DLG2: variants seen among roughly 807,000 people sequenced by gnomAD.
DLG2 encodes discs large MAGUK scaffold protein 2.
Under a neutral mutation model 132.5 loss-of-function variants are expected in DLG2, and 45 were observed. The observed-to-expected ratio is 0.34, with a 90% CI of 0.27 to 0.44. The LOEUF (loss-of-function observed/expected upper bound fraction) is 0.44. DLG2 is among the 20% of genes least tolerant of loss of function. The pLI is 1.00. For missense variants in DLG2, 1,045 were observed against 1,196.9 expected (o/e 0.87, Z 1.87); for synonymous variants, 424 against 419.6 (o/e 1.01, Z -0.13).
At chr11:84,081,765 G>A (rs1234982901) in intron 10 of DLG2, among the ~76,000 whole-genome samples, 2 of 152,314 alleles carry the variant, frequency 1.3e-5, no homozygotes, top group East Asian at 3.9e-4. Context: ...TGTGAATAGT[G>A]CCGCAATAAA....
chr11:84,693,519 C>T (rs771216764), intron 6 of DLG2, among the ~76,000 whole-genome samples: 4 of 151,646 alleles, frequency 2.6e-5, no homozygotes, highest in African/African-American at 4.8e-5. Context: ...CTCCTGCCAC[C>T]GGTGCCTCTC....
rs551844235 is a variant in DLG2, at chr11:85,490,313, G to C, written c.40+108344C>G. Among the ~76,000 whole-genome samples, 3 of 151,900 alleles carry C rather than the reference G, an allele frequency of 2.0e-5. No individual in the cohort carries two copies. In the East Asian group the frequency reaches 5.8e-4, roughly 29 times the overall value. ...GTTAGCACTATTTTTGTAGAAAATA[G>C]TGAAAAAATAGTAGAAAGTAGAAAA... On this transcript the variant is annotated intron_variant, in intron 3 of 27. Coordinates refer to ENST00000376104, the MANE Select transcript of DLG2 (RefSeq NM_001142699.3).
chr11:84,709,139 T>C (rs772664760), intron 6 of DLG2, among the ~76,000 whole-genome samples: 13 of 151,844 alleles, frequency 8.6e-5, no homozygotes, highest in Non-Finnish European at 1.6e-4. Context: ...GCCAACTACT[T>C]CAAATAGGAG....
chr11:85,017,888 G>A (rs1335761926), intron 6 of DLG2, among the ~76,000 whole-genome samples: 1 of 152,252 alleles, frequency 6.6e-6, no homozygotes, highest in East Asian at 1.9e-4. Flanking sequence ...TCCAAGACAC[G>A]TTGGAGTGCA....
chr11:83,915,608 T>C (rs1003009800), intron 15 of DLG2, among the ~76,000 whole-genome samples: 13 of 152,174 alleles, frequency 8.5e-5, no homozygotes, highest in Non-Finnish European at 1.6e-4. Context: ...ATTAAAACTT[T>C]TTAAAATTAT....
In DLG2 at chr11:84,060,040, C is replaced by T. The variant is rs535664844; in HGVS notation, c.750-556G>A. ...TAAAATAAACCTATTAGGTTGGGCG[C>T]AGTGGCTCATGCCTGTAATCCCAGC... On this transcript the variant is annotated intron_variant, in intron 10 of 27. Coordinates refer to ENST00000376104, the MANE Select transcript of DLG2 (RefSeq NM_001142699.3). Among the ~76,000 whole-genome samples, 11 of 152,070 alleles carry T rather than the reference C, an allele frequency of 7.2e-5. No homozygotes were observed. The South Asian group carries it at 2.3e-3, about 32-fold the overall frequency.
intron 7 of DLG2, among the ~76,000 whole-genome samples, chr11:84,295,769 TGG>T (rs527503839): frequency 6.6e-6 from 1 of 152,056 alleles, no homozygotes; most frequent in African/African-American, 2.4e-5. Flanking sequence ...GAATTCACAT[TGG>T]GGGGGTCAGA....
At chr11:85,260,134 T>G (rs1439960127) in intron 4 of DLG2, among the ~76,000 whole-genome samples, 7 of 152,142 alleles carry the variant, frequency 4.6e-5, no homozygotes, top group Admixed American at 2.6e-4. Flanking sequence ...TTGCATTATT[T>G]GTAAAAAGGG....
intron 19 of DLG2, among the ~76,000 whole-genome samples, chr11:83,565,658 G>C (rs1383975781): frequency 6.6e-6 from 1 of 152,186 alleles, no homozygotes; most frequent in Non-Finnish European, 1.5e-5. Context: ...GGCCATCAGA[G>C]ATTTCAATGC....
chr11:85,416,411 T>C (rs533428143), intron 3 of DLG2, among the ~76,000 whole-genome samples: 1 of 152,182 alleles, frequency 6.6e-6, no homozygotes, highest in Admixed American at 6.5e-5. Context: ...CTTAGAATTG[T>C]CTTGGCTATA....
chr11:85,254,772 A>C (rs1216478887), intron 4 of DLG2, among the ~76,000 whole-genome samples: 1 of 152,114 alleles, frequency 6.6e-6, no homozygotes, highest in Non-Finnish European at 1.5e-5. Flanking sequence ...AGGCTGAGGC[A>C]GGAGGATCAT....
intron 6 of DLG2, among the ~76,000 whole-genome samples, chr11:84,546,021 G>T (rs1459654387): frequency 6.6e-6 from 1 of 152,146 alleles, no homozygotes; most frequent in Non-Finnish European, 1.5e-5. Flanking sequence ...CTCCCGAAGT[G>T]CTGGGATTGT....
intron 19 of DLG2, among the ~76,000 whole-genome samples, chr11:83,594,266 T>C (rs756953561): frequency 6.6e-6 from 1 of 152,222 alleles, no homozygotes; most frequent in Non-Finnish European, 1.5e-5. Context: ...CCCTCCATCA[T>C]TGTGAGTACT....
At chr11:85,060,691 T>C (rs2064011560) in intron 6 of DLG2, among the ~76,000 whole-genome samples, 1 of 151,722 alleles carries the variant, frequency 6.6e-6, no homozygotes, top group Non-Finnish European at 1.5e-5. Context: ...TTTGGATAAA[T>C]ACACAGACGT....
intron 6 of DLG2, among the ~76,000 whole-genome samples, chr11:84,689,095 T>C (rs1247487376): frequency 6.6e-6 from 1 of 152,180 alleles, no homozygotes; most frequent in Non-Finnish European, 1.5e-5. Flanking sequence ...CTTTTATTAT[T>C]ACCTGTTTTT....
chr11:84,006,854 T>C (rs2094596477), intron 11 of DLG2, among the ~76,000 whole-genome samples: 1 of 151,702 alleles, frequency 6.6e-6, no homozygotes, highest in African/African-American at 2.4e-5. Flanking sequence ...ACTTTGAGCT[T>C]TTCCTTGTTC....
chr11:84,295,705 C>A (rs915056410), intron 7 of DLG2, among the ~76,000 whole-genome samples: 9 of 152,136 alleles, frequency 5.9e-5, no homozygotes, highest in Admixed American at 1.3e-4. Flanking sequence ...TACTTCTGTG[C>A]CTTTCATTTC....
chr11:85,075,791 G>A (rs1566797486), intron 6 of DLG2, among the ~76,000 whole-genome samples: 1 of 151,900 alleles, frequency 6.6e-6, no homozygotes. Flanking sequence ...AAAAACCAAG[G>A]TCTGGAAGAA....
chr11:83,984,897 C>A lies in DLG2; in HGVS notation c.920-4255G>T, dbSNP rs568440594. Among the ~76,000 whole-genome samples, 7 of 152,088 alleles carry A rather than the reference C, an allele frequency of 4.6e-5. No homozygotes were observed. The South Asian group carries it at 1.5e-3, about 32-fold the overall frequency. On this transcript the variant is annotated intron_variant, in intron 11 of 27. Transcript: ENST00000376104. ...ACAATACATTATTAACTATAGCCACCCTATTGCACTACTGAACACTAGAAA... is the reference window on the plus strand; with the variant it reads ...ACAATACATTATTAACTATAGCCACACTATTGCACTACTGAACACTAGAAA...
Sources: gnomAD v4.1 joint callset for allele counts (sites outside exome capture counted in the v4.1 genomes callset) on GRCh38, gnomAD v4.1.1 for gene constraint, MANE v1.5 for transcripts, NCBI Gene and HGNC (gene_info 2026-07-23, HGNC 2026-07-21) for gene names.